EPB41L1: variants seen among roughly 807,000 people sequenced by gnomAD.
The protein encoded by EPB41L1 is band 4.1-like protein 1.
A neutral mutation model predicts 97.8 loss-of-function variants in EPB41L1; 29 were observed. The ratio of observed to expected loss-of-function variants is 0.30; its 90% CI spans 0.22 to 0.40. EPB41L1 has a LOEUF of 0.40. Among genes scored for constraint, EPB41L1 ranks in the 10% least tolerant of loss-of-function variants. The pLI is 1.00. For synonymous variants in EPB41L1, 383 were observed against 459.2 expected (o/e 0.83, Z 2.12); for missense variants, 812 against 1,162.3 (o/e 0.70, Z 4.38).
intron 15 of EPB41L1, among the ~76,000 whole-genome samples, chr20:36,210,610 G>A (rs1280213378): frequency 6.6e-6 from 1 of 152,088 alleles, no homozygotes; most frequent in Non-Finnish European, 1.5e-5. Context: ...TATTCTCTGA[G>A]CAGGTTTTTT....
intron 11 of EPB41L1, among the ~76,000 whole-genome samples, chr20:36,193,041 G>A (rs1002232521): frequency 6.6e-6 from 1 of 152,184 alleles, no homozygotes. Flanking sequence ...TTCTCCTTGG[G>A]TAGACAGAGG....
At chr20:36,208,107 T>C (rs1477714484) in intron 14 of EPB41L1, among the ~76,000 whole-genome samples, 2 of 152,182 alleles carry the variant, frequency 1.3e-5, no homozygotes, top group African/African-American at 2.4e-5. Context: ...GCCTTGCCGC[T>C]CATACCCGCT....
chr20:36,209,167 A>G lies in EPB41L1; in HGVS notation c.1669-321A>G, dbSNP rs1355279271. Among the ~76,000 whole-genome samples the G allele has an allele frequency of 2.6e-5, 4 of 152,064 alleles. No homozygotes were observed. The highest frequency in any genetic ancestry group is 4.4e-5 in the Non-Finnish European group (3 of 67,994). ...TGCCTTTCGTGCAATGCTGCTTCCA[A>G]TAAGCTCCCAGATCCAATACCCTTG... is the stretch of plus-strand genomic sequence containing the variant. On this transcript the variant is annotated intron_variant, in intron 14 of 21. Transcript: ENST00000338074. This position sits in a 1 kb window ranked among gnomAD's most constrained non-coding sequence, Gnocchi z 4.2.
intron 14 of EPB41L1, among the ~76,000 whole-genome samples, chr20:36,208,562 A>G (rs2146775838): frequency 6.6e-6 from 1 of 152,354 alleles, no homozygotes; most frequent in Admixed American, 6.5e-5. Context: ...TCAACCTTCC[A>G]GAAACTGGCT....
intron 2 of EPB41L1, among the ~76,000 whole-genome samples, chr20:36,132,039 G>A (rs1270743751): frequency 6.6e-6 from 1 of 152,132 alleles, no homozygotes; most frequent in African/African-American, 2.4e-5. Context: ...GGGGACATCT[G>A]GCCCCAAGGA....
At chr20:36,142,720 A>AG (rs2059685611) in intron 2 of EPB41L1, among the ~76,000 whole-genome samples, 1 of 152,116 alleles carries the variant, frequency 6.6e-6, no homozygotes, top group Admixed American at 6.6e-5. Flanking sequence ...ACTGTGTTGA[A>AG]GGGGCTTACC....
At chr20:36,216,375 C>T (rs1025940084) in intron 17 of EPB41L1, among the ~76,000 whole-genome samples, 1 of 152,128 alleles carries the variant, frequency 6.6e-6, no homozygotes, top group Non-Finnish European at 1.5e-5. Flanking sequence ...AGCCAGATGT[C>T]AAGCACACGG....
intron 2 of EPB41L1, among the ~76,000 whole-genome samples, chr20:36,113,096 C>T (rs1454367176): frequency 6.6e-6 from 1 of 152,196 alleles, no homozygotes; most frequent in African/African-American, 2.4e-5. Flanking sequence ...GCCAATTCCT[C>T]AGCCCCCAGA....
intron 1 of EPB41L1, among the ~76,000 whole-genome samples, chr20:36,160,962 C>T (rs2060502069): frequency 6.6e-6 from 1 of 152,216 alleles, no homozygotes; most frequent in Non-Finnish European, 1.5e-5. Flanking sequence ...TTCTAAGTAA[C>T]GCTAACTGAA....
In EPB41L1 at chr20:36,207,921, G is replaced by GT. The variant is rs2062920315; in HGVS notation, c.1669-1561dup. ...AGAGGCTGCTTATCCATCCCTGTGA[G>GT]TTTTTTCCCTAAACGGGCCTGGGTG... On this transcript the variant is annotated intron_variant, in intron 14 of 21. Coordinates refer to ENST00000338074, the MANE Select transcript of EPB41L1 (RefSeq NM_012156.2). The surrounding 1 kb of genome is among the most constrained non-coding windows in gnomAD (Gnocchi z 4.9). The GT allele has an allele frequency of 2.0e-6, 2 of 992,570 alleles. No homozygotes were observed. Among genetic ancestry groups the GT allele is most frequent in the Non-Finnish European group, 2.6e-6 (2 of 760,190 alleles). 61.5% of individuals were successfully genotyped at this position (992,570 alleles called of 1,614,324 possible).
rs757050614 is a variant in EPB41L1, at chr20:36,195,331, G to A, written c.1452G>A (p.Pro484=). ...TCCCTCCTACCACATCCCACTAGCC[G>A]GAGCAGGAAACCACGCCGAGACACA... The part of the protein sequence containing the change: ...RTPTKIKELK[P]EQETTPRHKQ... Residue 484 remains proline (P), a splice_region_variant and synonymous_variant, in exon 13 of 22, where the codon CCG becomes CCA. Transcript: ENST00000338074. The surrounding 1 kb of genome is among the most constrained non-coding windows in gnomAD (Gnocchi z 4.6). 1.1e-5 allele frequency: 18 copies of A among 1,613,718 alleles called. No homozygotes were observed. Among genetic ancestry groups the A allele is most frequent in the Admixed American group, 1.7e-5 (1 of 59,964 alleles).
chr20:36,120,851 G>T (rs576320077), intron 2 of EPB41L1, among the ~76,000 whole-genome samples: 106 of 152,180 alleles, frequency 7.0e-4, no homozygotes, highest in Non-Finnish European at 1.4e-3. Flanking sequence ...TATTTGTTGA[G>T]ATCCTAACCG....
chr20:36,139,740 A>ATTTATTTTTTTTTTTT (rs943742073), intron 2 of EPB41L1, among the ~76,000 whole-genome samples: 9 of 151,646 alleles, frequency 5.9e-5, no homozygotes, highest in African/African-American at 2.2e-4. Flanking sequence ...TTATTTATTT[A>ATTTATTTTTTTTTTTT]TTTTTTTTAA....
At chr20:36,164,472 A>G (rs889975638) in intron 1 of EPB41L1, among the ~76,000 whole-genome samples, 1 of 152,118 alleles carries the variant, frequency 6.6e-6, no homozygotes. Context: ...CAGAATTTCC[A>G]AGAACACCTG....
At chr20:36,137,127 T>C (rs1054042743) in intron 2 of EPB41L1, among the ~76,000 whole-genome samples, 1 of 149,814 alleles carries the variant, frequency 6.7e-6, no homozygotes, top group African/African-American at 2.5e-5. Context: ...CAGGCTAGAG[T>C]GCAGTGGCTC....
Position 36,197,999 on chromosome 20 carries a change from C to T in EPB41L1, c.1626C>T (p.Pro542=), listed in dbSNP as rs112471399. The change falls in exon 14 of 22, where the codon CCC becomes CCT. Residue 542 remains proline, a synonymous_variant. Transcript: ENST00000338074. ...GGGAGCGCAGGCTGCCCTCCTCCCC[C>T]GCCTCCCCCTCCCCCAAGGGCACCC... The part of the protein sequence containing the change: ...WERERRLPSS[P]ASPSPKGTPE... 272 of 1,613,064 alleles carry T rather than the reference C, an allele frequency of 1.7e-4. No individual in the cohort carries two copies. Among genetic ancestry groups the T allele is most frequent in the Middle Eastern group, 6.6e-4 (4 of 6,078 alleles).
Position 36,190,666 on chromosome 20 carries a change from G to A in EPB41L1, c.1169G>A (p.Gly390Asp). The A allele has an allele frequency of 6.2e-7, 1 of 1,614,034 alleles. No homozygotes were observed. Among genetic ancestry groups the A allele is most frequent in the Non-Finnish European group, 8.5e-7 (1 of 1,180,008 alleles). The change falls in exon 11 of 22, where the codon GGC (glycine) becomes GAC (aspartate). Residue 390 changes from glycine to aspartate, a missense_variant. Transcript: ENST00000338074. The surrounding 1 kb of genome is among the most constrained non-coding windows in gnomAD (Gnocchi z 5.8). ...EPPPKGFLVM[G>D]SKFRYSGRTQ... ...CCACCCAAGGGCTTCCTGGTGATGG[G>A]CTCCAAGTTCCGGTACAGTGGGAGG...
In EPB41L1 at chr20:36,188,337, T is replaced by C. The variant is rs2061773203; in HGVS notation, c.874-10T>C. 6.2e-7 allele frequency: 1 copy of C among 1,612,968 alleles called. No homozygotes were observed. Among genetic ancestry groups the C allele is most frequent in the Admixed American group, 1.7e-5 (1 of 59,996 alleles). ...CCGGGCCTCCCATTCCATGGTCTCTTCTCATGCAGGACTCTGAGGGCATCG... is the reference window on the plus strand; with the variant it reads ...CCGGGCCTCCCATTCCATGGTCTCTCCTCATGCAGGACTCTGAGGGCATCG... On this transcript the variant is annotated splice_polypyrimidine_tract_variant and intron_variant, in intron 8 of 21. Coordinates refer to ENST00000338074, the MANE Select transcript of EPB41L1 (RefSeq NM_012156.2).
rs551427417 is a variant in EPB41L1 at position 36,093,123 on chromosome 20, G to T, written c.-65+1511G>T. On this transcript the variant is annotated intron_variant, in intron 1 of 19. Transcript: ENST00000202028. The surrounding 1 kb of genome is among the most constrained non-coding windows in gnomAD (Gnocchi z 5.4). ...GTGTGCGCCGGGTGTGCATCTGTGT[G>T]TGCGTGTGTGAGGGTGTGTGCCTTG... Among the ~76,000 whole-genome samples the T allele has an allele frequency of 6.6e-6, 1 of 152,200 alleles. No individual in the cohort carries two copies. Among genetic ancestry groups the T allele is most frequent in the South Asian group, 2.1e-4 (1 of 4,812 alleles).
Sources: allele counts gnomAD v4.1 joint callset (sites outside exome capture counted in the v4.1 genomes callset), GRCh38; gene constraint gnomAD v4.1.1; non-coding constraint Gnocchi (gnomAD v3.1); transcripts MANE v1.5; gene names NCBI Gene and HGNC (gene_info 2026-07-23, HGNC 2026-07-21).